Variants in XKR6 observed in about 807,000 individuals in gnomAD.
The protein encoded by XKR6 is XK related 6, also known as XK-related protein 6.
In XKR6, 22 loss-of-function variants were observed where a neutral mutation model predicts 56.7. The ratio of observed to expected loss-of-function variants is 0.39; its 90% CI spans 0.28 to 0.55. XKR6 has a LOEUF of 0.55. Among genes scored for constraint, XKR6 ranks in the 20% least tolerant of loss-of-function variants. XKR6 has a pLI of 0.66. For missense variants in XKR6, 852 were observed against 889.0 expected, an observed-to-expected ratio of 0.96 and a Z score of 0.53; for synonymous variants, 524 against 387.8, an observed-to-expected ratio of 1.35 and a Z score of -4.13.
At chr8:11,113,625 C>A (rs1457922734) in intron 1 of XKR6, among the ~76,000 whole-genome samples, 1 of 152,098 alleles carries the variant, frequency 6.6e-6, no homozygotes, top group East Asian at 1.9e-4. Flanking sequence ...ACCTGTAAGT[C>A]TGGATTCCCT....
rs2117173959 is a variant in XKR6 at position 11,200,676 on chromosome 8, C to A, written c.664G>T (p.Val222Leu). ...VHGAARGGPG[V>L]RVSPTPGAQR... ...GCCCCCGGCGTGGGGGAGACCCTCACGCCTGGGCCACCGCGGGCCGCGCCG... is the reference window on the plus strand; with the variant it reads ...GCCCCCGGCGTGGGGGAGACCCTCAAGCCTGGGCCACCGCGGGCCGCGCCG... Residue 222 changes from valine (V) to leucine (L), a missense_variant, in exon 1 of 3, where the codon GTG becomes TTG. Physicochemically the swap from Val to Leu is conservative, Grantham distance 32 (BLOSUM62 1). This residue lies in a region of XKR6 where 417 missense variants were observed against 355.2 expected (regional missense o/e 1.17). Transcript: ENST00000416569. The surrounding 1 kb of genome is among the most constrained non-coding windows in gnomAD (Gnocchi z 6.4). 2 of 1,567,812 alleles carry A rather than the reference C, an allele frequency of 1.3e-6. No homozygotes were observed. The highest frequency in any genetic ancestry group is 2.3e-5 in the South Asian group (2 of 85,620).
At chr8:11,039,803 G>A (rs1050755807) in intron 1 of XKR6, among the ~76,000 whole-genome samples, 33 of 152,212 alleles carry the variant, frequency 2.2e-4, no homozygotes, top group Non-Finnish European at 2.9e-5. Context: ...TGGGCATACA[G>A]CCCCCACCTG....
intron 1 of XKR6, among the ~76,000 whole-genome samples, chr8:11,053,047 G>C (rs1427279696): frequency 1.3e-5 from 2 of 152,180 alleles, no homozygotes; most frequent in Admixed American, 1.3e-4. Context: ...CTGAAGCCCA[G>C]CTGACCCCCC....
chr8:11,157,442 T>C (rs780623087), intron 1 of XKR6, among the ~76,000 whole-genome samples: 1 of 152,132 alleles, frequency 6.6e-6, no homozygotes, highest in Admixed American at 6.5e-5. Context: ...ATCTTTAAGC[T>C]TTTCTGTAAA....
intron 1 of XKR6, among the ~76,000 whole-genome samples, chr8:11,019,309 CTG>C (rs148995255): frequency 0.17 from 25,548 of 152,214 alleles, 2,225 homozygotes; most frequent in Middle Eastern, 0.21. Flanking sequence ...AGTGAGGAGA[CTG>C]TGAATGGGCA....
intron 1 of XKR6, among the ~76,000 whole-genome samples, chr8:11,097,685 T>C (rs1444479484): frequency 6.6e-6 from 1 of 151,158 alleles, no homozygotes; most frequent in Non-Finnish European, 1.5e-5. Flanking sequence ...TGCACACCTG[T>C]GGTCCCAGCT....
intron 1 of XKR6, among the ~76,000 whole-genome samples, chr8:11,078,147 G>A (rs1800323452): frequency 6.6e-6 from 1 of 152,182 alleles, no homozygotes; most frequent in Non-Finnish European, 1.5e-5. Context: ...GGAGTGTACT[G>A]GGAAGACAGA....
At chr8:11,179,574 G>A (rs955870810) in intron 1 of XKR6, among the ~76,000 whole-genome samples, 2 of 152,086 alleles carry the variant, frequency 1.3e-5, no homozygotes, top group South Asian at 4.1e-4. Context: ...AAACACTAGA[G>A]TTTCAGTCCT....
intron 1 of XKR6, among the ~76,000 whole-genome samples, chr8:10,989,024 C>T (rs975077695): frequency 6.6e-6 from 1 of 152,192 alleles, no homozygotes; most frequent in Non-Finnish European, 1.5e-5. Context: ...ACTGAATATG[C>T]CCATAGGCAA....
At chr8:11,086,933 C>T (rs1480739072) in intron 1 of XKR6, among the ~76,000 whole-genome samples, 5 of 152,218 alleles carry the variant, frequency 3.3e-5, no homozygotes, top group Non-Finnish European at 7.3e-5. Flanking sequence ...ATCAGTCCCA[C>T]CTTCTTAGCG....
chr8:11,060,172 G>C (rs1050254783), intron 1 of XKR6, among the ~76,000 whole-genome samples: 1 of 152,198 alleles, frequency 6.6e-6, no homozygotes, highest in Non-Finnish European at 1.5e-5. Context: ...GAGATAAAGA[G>C]AACCCCAAGT....
Position 11,201,209 on chromosome 8 carries a change from TCGCCGC to T in XKR6, c.125_130del (p.Gly42_Gly43del), listed in dbSNP as rs762436563. The T allele has an allele frequency of 9.8e-6, 15 of 1,531,378 alleles. No homozygotes were observed. The highest frequency in any genetic ancestry group is 6.9e-5 in the African/African-American group (5 of 72,158). The allele number at this position is 1,531,378 out of a possible 1,614,324, so 94.9% of individuals were successfully genotyped here. A position where few individuals can be genotyped will look rare whatever the true frequency, so the allele number is the denominator to read the frequency against. ...GCTGCTCTCGCCGGGCTCGCTGCCG[TCGCCGC>T]CGCCGCCGCAGCCGCCTCCCCCGGG... is the stretch of plus-strand genomic sequence containing the variant. On this transcript the variant is annotated inframe_deletion, in exon 1 of 3. Coordinates refer to ENST00000416569, the MANE Select transcript of XKR6 (RefSeq NM_173683.4).
chr8:10,970,941 C>A (rs1463877912), intron 1 of XKR6, among the ~76,000 whole-genome samples: 1 of 151,858 alleles, frequency 6.6e-6, no homozygotes, highest in African/African-American at 2.4e-5. Context: ...CTGAAGCACC[C>A]TTTTATCAGA....
At chr8:11,010,948 G>A (rs1014566897) in intron 1 of XKR6, among the ~76,000 whole-genome samples, 3 of 152,272 alleles carry the variant, frequency 2.0e-5, no homozygotes, top group Admixed American at 2.0e-4. Flanking sequence ...TGTGCCCAGG[G>A]CCAGGACCGC....
At chr8:10,930,905 A>G (rs1439663002) in intron 1 of XKR6, among the ~76,000 whole-genome samples, 1 of 152,244 alleles carries the variant, frequency 6.6e-6, no homozygotes, top group Non-Finnish European at 1.5e-5. Context: ...CCTATTCAAC[A>G]TCATACTAGA....
chr8:11,013,249 G>T (rs999251235), intron 1 of XKR6, among the ~76,000 whole-genome samples: 4 of 152,202 alleles, frequency 2.6e-5, no homozygotes, highest in Non-Finnish European at 5.9e-5. Flanking sequence ...CTTGCCCATG[G>T]TCTCTAAGAT....
At chr8:11,181,764 T>A (rs1393488032) in intron 1 of XKR6, among the ~76,000 whole-genome samples, 1 of 152,192 alleles carries the variant, frequency 6.6e-6, no homozygotes, top group East Asian at 1.9e-4. Context: ...ACTATATGCA[T>A]CAAGCACTAT....
chr8:11,109,481 A>G (rs532458571), intron 1 of XKR6: 2 of 152,222 alleles, frequency 1.3e-5, no homozygotes, highest in African/African-American at 4.8e-5. Flanking sequence ...CACTACCCTT[A>G]AGACACTGCA....
chr8:10,965,253 C>G (rs1364700546), intron 1 of XKR6, among the ~76,000 whole-genome samples: 2 of 152,234 alleles, frequency 1.3e-5, no homozygotes, highest in Non-Finnish European at 2.9e-5. Context: ...TGAGCTCTGG[C>G]AAGCACATCA....
Sources: allele counts gnomAD v4.1 joint callset (sites outside exome capture counted in the v4.1 genomes callset), GRCh38; gene constraint gnomAD v4.1.1; regional missense constraint gnomAD v4.1.1; non-coding constraint Gnocchi (gnomAD v3.1); transcripts MANE v1.5; gene names NCBI Gene and HGNC (gene_info 2026-07-23, HGNC 2026-07-21).